RUNDC3B: variants seen among roughly 807,000 people sequenced by gnomAD.
RUNDC3B encodes the protein RUN domain-containing protein 3B.
In RUNDC3B, 33 loss-of-function variants were observed where a neutral mutation model predicts 58.4. That is an observed-to-expected ratio of 0.56 (90% CI 0.43 to 0.75). The LOEUF is 0.75. Among genes scored for constraint, RUNDC3B ranks in the 30% least tolerant of loss-of-function variants. The pLI is 0.00. For synonymous variants in RUNDC3B, 193 were observed against 195.2 expected (o/e 0.99, Z 0.10); for missense variants, 501 against 535.7 (o/e 0.94, Z 0.64).
chr7:87,693,042 T>G (rs909722125), intron 2 of RUNDC3B, among the ~76,000 whole-genome samples: 6 of 152,128 alleles, frequency 3.9e-5, no homozygotes, highest in African/African-American at 1.4e-4. Flanking sequence ...AGGATCTAAG[T>G]GTTTGGAAAG....
intron 4 of RUNDC3B, among the ~76,000 whole-genome samples, chr7:87,720,039 A>G (rs1402067574): frequency 1.3e-5 from 2 of 151,282 alleles, no homozygotes; most frequent in African/African-American, 2.4e-5. Context: ...CAAAAACACC[A>G]TATAGAAACA....
At chr7:87,755,094 C>G (rs1243689436) in intron 6 of RUNDC3B, among the ~76,000 whole-genome samples, 1 of 151,568 alleles carries the variant, frequency 6.6e-6, no homozygotes, top group Admixed American at 6.6e-5. Flanking sequence ...ATGATCTCGG[C>G]TCACTGCAAC....
Position 87,756,006 on chromosome 7 carries a change from G to A in RUNDC3B, c.629+14427G>A, listed in dbSNP as rs867360955. On this transcript the variant is annotated intron_variant, in intron 6 of 10. Transcript: ENST00000394654. ...AATTGGAGGAGGGTAGAGTGAGATA[G>A]GAGACTTATTTTTCATTTTAAGACT... Among the ~76,000 whole-genome samples, 5 of 152,220 alleles carry A rather than the reference G, an allele frequency of 3.3e-5. 1 individual carries two copies. Among genetic ancestry groups the A allele is most frequent in the Non-Finnish European group, 4.4e-5 (3 of 67,986 alleles).
At chr7:87,748,699 G>A (rs1413271978) in intron 6 of RUNDC3B, among the ~76,000 whole-genome samples, 4 of 152,034 alleles carry the variant, frequency 2.6e-5, no homozygotes, top group Non-Finnish European at 4.4e-5. Flanking sequence ...AAGAGTATAG[G>A]AACTTTATGA....
chr7:87,679,752 C>T (rs897594765), intron 2 of RUNDC3B, among the ~76,000 whole-genome samples: 2 of 149,816 alleles, frequency 1.3e-5, no homozygotes, highest in Non-Finnish European at 3.0e-5. Flanking sequence ...ATATTCTTTT[C>T]GAGGGCAAGT....
At chr7:87,807,949 C>T (rs1317170873) in intron 9 of RUNDC3B, among the ~76,000 whole-genome samples, 1 of 152,074 alleles carries the variant, frequency 6.6e-6, no homozygotes, top group African/African-American at 2.4e-5. Flanking sequence ...GATATAATCA[C>T]TTCACCTATG....
chr7:87,713,474 G>A (rs1182768934), intron 4 of RUNDC3B, among the ~76,000 whole-genome samples: 2 of 152,074 alleles, frequency 1.3e-5, no homozygotes, highest in African/African-American at 4.8e-5. Flanking sequence ...CCAAAGCATT[G>A]AAGAAATATG....
chr7:87,783,755 A>T (rs1388006401), intron 8 of RUNDC3B, among the ~76,000 whole-genome samples: 2 of 152,126 alleles, frequency 1.3e-5, no homozygotes, highest in Non-Finnish European at 2.9e-5. Flanking sequence ...TCCTTTTCTT[A>T]TGAAGCTTGG....
intron 8 of RUNDC3B, among the ~76,000 whole-genome samples, chr7:87,778,220 T>A (rs959595340): frequency 1.3e-5 from 2 of 152,092 alleles, no homozygotes; most frequent in African/African-American, 4.8e-5. Context: ...GTTGGGCAGA[T>A]TGCTTGGGCC....
chr7:87,636,465 G>A (rs1382105802), intron 1 of RUNDC3B, among the ~76,000 whole-genome samples: 2 of 152,042 alleles, frequency 1.3e-5, no homozygotes, highest in Non-Finnish European at 2.9e-5. Flanking sequence ...CATTCTGTAT[G>A]GGAATCTTTT....
intron 10 of RUNDC3B, among the ~76,000 whole-genome samples, chr7:87,820,223 A>G (rs983872610): frequency 2.6e-5 from 4 of 152,252 alleles, no homozygotes; most frequent in African/African-American, 9.6e-5. Flanking sequence ...CCGATCTCAC[A>G]GAAATACAAA....
chr7:87,721,943 C>T (rs1830925249), intron 4 of RUNDC3B, among the ~76,000 whole-genome samples: 1 of 151,922 alleles, frequency 6.6e-6, no homozygotes, highest in Middle Eastern at 3.4e-3. Flanking sequence ...CTTTATTTGC[C>T]TTTCCAAGTC....
chr7:87,809,933 G>C (rs1333284348), intron 9 of RUNDC3B, among the ~76,000 whole-genome samples: 1 of 152,138 alleles, frequency 6.6e-6, no homozygotes, highest in Non-Finnish European at 1.5e-5. Flanking sequence ...AAGTTCAACA[G>C]ACATTTATTG....
At chr7:87,721,775 CTCTCTCTCTCTCTCTCTGTCTCTG>C (rs1267715595) in intron 4 of RUNDC3B, among the ~76,000 whole-genome samples, 1 of 147,546 alleles carries the variant, frequency 6.8e-6, no homozygotes, top group Admixed American at 6.8e-5. Flanking sequence ...CATTCTCTTT[CTCTCTCTCTCTCTCTCTGTCTCTG>C]TCTCTCTCTC....
At chr7:87,723,922 G>C (rs984274471) in intron 4 of RUNDC3B, among the ~76,000 whole-genome samples, 9 of 152,084 alleles carry the variant, frequency 5.9e-5, no homozygotes, top group African/African-American at 9.7e-5. Flanking sequence ...CATAATAAAA[G>C]TAAAACATTA....
intron 6 of RUNDC3B, among the ~76,000 whole-genome samples, chr7:87,757,686 A>G (rs998648897): frequency 6.6e-6 from 1 of 152,200 alleles, no homozygotes; most frequent in Non-Finnish European, 1.5e-5. Context: ...TGGAACCACA[A>G]AAGACCCAGA....
chr7:87,793,813 A>G (rs1233740543), intron 8 of RUNDC3B, among the ~76,000 whole-genome samples: 6 of 152,152 alleles, frequency 3.9e-5, no homozygotes, highest in African/African-American at 1.4e-4. Context: ...ATTCAGTAAT[A>G]GTACTGGAAG....
chr7:87,758,356 A>G (rs1442969991), intron 6 of RUNDC3B, among the ~76,000 whole-genome samples: 1 of 151,970 alleles, frequency 6.6e-6, no homozygotes, highest in African/African-American at 2.4e-5. Flanking sequence ...ACAAACAAAA[A>G]CCGAACACCT....
At chr7:87,817,576 T>A (rs1363575042) in intron 10 of RUNDC3B, among the ~76,000 whole-genome samples, 1 of 152,154 alleles carries the variant, frequency 6.6e-6, no homozygotes, top group African/African-American at 2.4e-5. Flanking sequence ...TGCACTTGCT[T>A]TTTCCACTGC....
Sources: allele counts gnomAD v4.1 joint callset (sites outside exome capture counted in the v4.1 genomes callset), GRCh38; gene constraint gnomAD v4.1.1; transcripts MANE v1.5; gene names NCBI Gene and HGNC (gene_info 2026-07-23, HGNC 2026-07-21).